The following TBC1D4 variants were observed in gnomAD, a reference collection of about 807,000 sequenced individuals.
TBC1D4 encodes TBC (Tre-2, BUB2, CDC16) domain-containing protein.
Under a neutral mutation model 142.5 loss-of-function variants are expected in TBC1D4, and 121 were observed. The observed-to-expected ratio is 0.85, with a 90% confidence interval of 0.73 to 0.99. The LOEUF is 0.99. TBC1D4 is among the 50% of genes least tolerant of loss of function. The pLI, the probability that TBC1D4 is intolerant of heterozygous loss-of-function variation, is 0.00. For missense variants in TBC1D4, 1,475 were observed against 1,606.6 expected, an observed-to-expected ratio of 0.92 and a Z score of 1.40; for synonymous variants, 630 against 628.2, an observed-to-expected ratio of 1.00 and a Z score of -0.04.
intron 19 of TBC1D4, among the ~76,000 whole-genome samples, chr13:75,289,547 T>C (rs1875054346): frequency 6.6e-6 from 1 of 151,992 alleles, no homozygotes; most frequent in Non-Finnish European, 1.5e-5. Context: ...GTAAGCAAAA[T>C]TGCATAGGGT....
At chr13:75,325,414 G>T (rs1489494171) in intron 10 of TBC1D4, among the ~76,000 whole-genome samples, 1 of 145,388 alleles carries the variant, frequency 6.9e-6, no homozygotes, top group East Asian at 2.0e-4. Context: ...ATCGAGTTGT[G>T]TTTTTTTTTT....
In TBC1D4 at chr13:75,450,278, T is replaced by C. The variant is rs1887482014; in HGVS notation, c.498+30992A>G. Among the ~76,000 whole-genome samples, 3 of 152,360 alleles carry C rather than the reference T, an allele frequency of 2.0e-5. No homozygotes were observed. In the South Asian group the frequency reaches 6.2e-4, roughly 32 times the overall value. Reference sequence around the variant, plus strand: ...TCTTCATTATGATGCGGTGTCAGAATTTCCGTTTTCCTCCAGAGGTGTACT... The same window carrying C: ...TCTTCATTATGATGCGGTGTCAGAACTTCCGTTTTCCTCCAGAGGTGTACT... On this transcript the variant is annotated intron_variant, in intron 1 of 20. Transcript: ENST00000377636.
At chr13:75,360,057 C>CA (rs1383014181) in intron 2 of TBC1D4, among the ~76,000 whole-genome samples, 199 bp from the exon 3 acceptor site, 1 of 151,680 alleles carries the variant, frequency 6.6e-6, no homozygotes. Context: ...TTTCCTCTGT[C>CA]AAAAAACGTA....
intron 3 of TBC1D4, among the ~76,000 whole-genome samples, chr13:75,356,835 T>C (rs1232067352): frequency 6.6e-6 from 1 of 152,152 alleles, no homozygotes; most frequent in Admixed American, 6.5e-5. Flanking sequence ...GGACCCAGGC[T>C]AAATAACCTC....
intron 1 of TBC1D4, among the ~76,000 whole-genome samples, chr13:75,422,992 A>G (rs571312505): frequency 1.1e-3 from 165 of 152,320 alleles, no homozygotes; most frequent in Middle Eastern, 6.8e-3. Flanking sequence ...AATGAGGCCA[A>G]TTTTAGAATT....
intron 1 of TBC1D4, among the ~76,000 whole-genome samples, chr13:75,386,299 C>G (rs748000124): frequency 2.0e-5 from 3 of 152,036 alleles, no homozygotes; most frequent in Non-Finnish European, 4.4e-5. Flanking sequence ...AAATTATACA[C>G]TTTTTACCTG....
At chr13:75,453,801 G>C (rs1036213796) in intron 1 of TBC1D4, among the ~76,000 whole-genome samples, 33 of 151,688 alleles carry the variant, frequency 2.2e-4, no homozygotes, top group African/African-American at 7.7e-4. Flanking sequence ...GGCAGAGGTT[G>C]CAGTGAGCCG....
At position 75,481,498 on chromosome 13, in the gene TBC1D4, G is replaced by A. The variant is rs750665368; in HGVS notation, c.270C>T (p.Phe90=). ...REVILVLSAP[F]LRCVPAPGAG... is the part of the protein sequence containing the mutation. ...CGCCCGGCGCGGGGACGCAACGCAG[G>A]AAGGGCGCGCTGAGCACCAGGATCA... Residue 90 remains phenylalanine, a synonymous_variant, in exon 1 of 21, where the codon TTC becomes TTT. Coordinates refer to ENST00000377636, the MANE Select transcript of TBC1D4 (RefSeq NM_014832.5). 1 of 1,612,114 alleles carries A rather than the reference G, an allele frequency of 6.2e-7. No individual in the cohort carries two copies. The highest frequency in any genetic ancestry group is 1.3e-5 in the African/African-American group (1 of 74,764).
intron 7 of TBC1D4, among the ~76,000 whole-genome samples, chr13:75,338,400 C>G (rs553516): frequency 0.45 from 68,652 of 151,872 alleles, 16,265 homozygotes; most frequent in East Asian, 0.77. Flanking sequence ...GACAAAAATA[C>G]AAAAACTGTA....
At chr13:75,391,073 CAA>C (rs1491440926) in intron 1 of TBC1D4, among the ~76,000 whole-genome samples, 11 of 106,920 alleles carry the variant, frequency 1.0e-4, no homozygotes, top group African/African-American at 3.8e-4. Flanking sequence ...CACACACACA[CAA>C]ACAACTTGTA....
intron 1 of TBC1D4, among the ~76,000 whole-genome samples, chr13:75,386,386 C>CTTTTTT (rs67450573): frequency 6.3e-5 from 9 of 143,780 alleles, no homozygotes; most frequent in African/African-American, 2.4e-4. Flanking sequence ...TTTTCTTTTT[C>CTTTTTT]TTTTTCTTTT....
intron 1 of TBC1D4, among the ~76,000 whole-genome samples, chr13:75,452,707 C>T (rs752207885): frequency 6.6e-6 from 1 of 152,126 alleles, no homozygotes; most frequent in Non-Finnish European, 1.5e-5. Context: ...TTGAACTATA[C>T]GGTATTAAAT....
intron 1 of TBC1D4, among the ~76,000 whole-genome samples, chr13:75,428,222 A>C (rs1435726366): frequency 6.6e-6 from 1 of 152,198 alleles, no homozygotes; most frequent in East Asian, 1.9e-4. Context: ...GCAAAGCTCA[A>C]ACATGACAGT....
At chr13:75,420,073 G>C (rs181438315) in intron 1 of TBC1D4, among the ~76,000 whole-genome samples, 9 of 152,282 alleles carry the variant, frequency 5.9e-5, no homozygotes, top group Admixed American at 5.2e-4. Flanking sequence ...ATCAGAAGAA[G>C]GGCAAGTACC....
Position 75,362,062 on chromosome 13 carries a change from G to C in TBC1D4, c.1044C>G (p.Pro348=). The part of the protein sequence containing the change: ...RHASAPSHVQ[P]SDSEKNRTML... ...TGGTCCTGTTCTTCTCCGAGTCCGA[G>C]GGCTGGACGTGACTGGGTGCGCTCG... is the stretch of plus-strand genomic sequence containing the variant. The change falls in exon 2 of 21, where the codon CCC becomes CCG. Residue 348 remains proline, a synonymous_variant. Coordinates refer to ENST00000377636, the MANE Select transcript of TBC1D4 (RefSeq NM_014832.5). The surrounding 1 kb of genome is among the most constrained non-coding windows in gnomAD (Gnocchi z 4.2). 4 of 1,614,160 alleles carry C rather than the reference G, an allele frequency of 2.5e-6. No homozygotes were observed. The highest frequency in any genetic ancestry group is 3.3e-4 in the Middle Eastern group (2 of 6,062).
intron 11 of TBC1D4, among the ~76,000 whole-genome samples, chr13:75,322,395 C>G (rs1311911222): frequency 2.0e-5 from 3 of 152,064 alleles, no homozygotes. Flanking sequence ...ATTTTTCAAC[C>G]CAAAACTAAT....
chr13:75,390,403 T>C (rs901436561), intron 1 of TBC1D4, among the ~76,000 whole-genome samples: 4 of 150,534 alleles, frequency 2.7e-5, no homozygotes, highest in Non-Finnish European at 5.9e-5. Context: ...ACATCCAGAG[T>C]GATTAGGATG....
At chr13:75,440,656 G>A (rs1157614509) in intron 1 of TBC1D4, among the ~76,000 whole-genome samples, 1 of 151,804 alleles carries the variant, frequency 6.6e-6, no homozygotes, top group East Asian at 1.9e-4. Context: ...TAGGCTCAAG[G>A]GATCCCCCCA....
rs1888904524 is a variant in TBC1D4 at position 75,481,826 on chromosome 13, C to G, written c.-59G>C. The G allele has an allele frequency of 7.0e-7, 1 of 1,425,962 alleles. No homozygotes were observed. The highest frequency in any genetic ancestry group is 1.5e-5 in the African/African-American group (1 of 66,080). 88.3% of individuals were successfully genotyped at this position (1,425,962 alleles called of 1,614,324 possible). On this transcript the variant is annotated 5_prime_UTR_variant, in exon 1 of 21. Transcript: ENST00000377636. Reference sequence around the variant, plus strand: ...GCCGGGCGCACCGCGCCCCCCACTCCCGCGCAGAAGGCGCCGCCGAAACTG... The same window carrying G: ...GCCGGGCGCACCGCGCCCCCCACTCGCGCGCAGAAGGCGCCGCCGAAACTG...
Sources: allele counts gnomAD v4.1 joint callset (sites outside exome capture counted in the v4.1 genomes callset), GRCh38; gene constraint gnomAD v4.1.1; non-coding constraint Gnocchi (gnomAD v3.1); transcripts MANE v1.5; gene names NCBI Gene and HGNC (gene_info 2026-07-23, HGNC 2026-07-21).